Variants in IL19 observed in about 807,000 individuals in gnomAD.
IL19 encodes the protein interleukin 19, also known as interleukin-19.
In IL19, 15 loss-of-function variants were observed where a neutral mutation model predicts 19.5. That is an observed-to-expected ratio of 0.77 (90% CI 0.52 to 1.19). IL19 has a LOEUF of 1.19. Ranked by LOEUF, IL19 falls within the 50% of genes most tolerant of loss-of-function variation. The probability of loss-of-function intolerance (pLI) is 0.00; values close to 1 mark genes in which losing one functional copy is unlikely to be tolerated. For missense variants in IL19, 199 were observed against 213.1 expected (o/e 0.93, Z 0.41); for synonymous variants, 78 against 78.3 (o/e 1.00, Z 0.02).
Position 206,842,851 on chromosome 1 carries a change from A to C in IL19, c.*229A>C. 2.2e-6 allele frequency: 1 copy of C among 447,180 alleles called. No homozygotes were observed. Among genetic ancestry groups the C allele is most frequent in the Non-Finnish European group, 4.0e-6 (1 of 248,462 alleles). The allele number at this position is 447,180 out of a possible 1,614,324, so 27.7% of individuals were successfully genotyped here. On this transcript the variant is annotated 3_prime_UTR_variant, in exon 7 of 7. Transcript: ENST00000659997. ...GGGCCTGCAGGCCATCCTGGGAGTA[A>C]AGGGCTGCCTTCCCATCTAATTTAT...
intron 1 of IL19, among the ~76,000 whole-genome samples, chr1:206,785,984 T>C (rs768843075): frequency 1.4e-5 from 2 of 148,046 alleles, no homozygotes; most frequent in Non-Finnish European, 3.0e-5. Flanking sequence ...ATGTAAACTG[T>C]GTGTTAGGGA....
chr1:206,796,114 T>A (rs1158406610), intron 1 of IL19, among the ~76,000 whole-genome samples: 2 of 152,082 alleles, frequency 1.3e-5, no homozygotes. Context: ...AGTTCAGGTC[T>A]GAAGGCCTAA....
At chr1:206,796,990 G>A (rs1675539506) in intron 1 of IL19, among the ~76,000 whole-genome samples, 1 of 152,158 alleles carries the variant, frequency 6.6e-6, no homozygotes, top group South Asian at 2.1e-4. Context: ...AGTATTGCTC[G>A]AAAACCGGAT....
At chr1:206,805,882 CA>C (rs1169460804) in intron 2 of IL19, among the ~76,000 whole-genome samples, 1 of 152,140 alleles carries the variant, frequency 6.6e-6, no homozygotes. Context: ...CCAGCTTAAA[CA>C]AAAAAGGAAT....
chr1:206,828,408 C>T (rs2102479771), intron 2 of IL19, among the ~76,000 whole-genome samples: 1 of 152,344 alleles, frequency 6.6e-6, no homozygotes, highest in East Asian at 1.9e-4. Context: ...GGTTCCTCCT[C>T]CTGCTTTCTG....
chr1:206,839,131 A>C (rs570521346), intron 4 of IL19, among the ~76,000 whole-genome samples: 25 of 152,314 alleles, frequency 1.6e-4, no homozygotes, highest in African/African-American at 6.0e-4. Flanking sequence ...CTGTCTAGCC[A>C]ACTTCACTGG....
At chr1:206,794,498 C>T (rs1675475051) in intron 1 of IL19, among the ~76,000 whole-genome samples, 1 of 152,172 alleles carries the variant, frequency 6.6e-6, no homozygotes, top group African/African-American at 2.4e-5. Context: ...GACACCCCCT[C>T]TCTGAGCTCT....
At chr1:206,815,139 G>T (rs1436073108) in intron 2 of IL19, among the ~76,000 whole-genome samples, 1 of 152,174 alleles carries the variant, frequency 6.6e-6, no homozygotes, top group Non-Finnish European at 1.5e-5. Context: ...AGAGCAGTGG[G>T]CTGTGAACCT....
chr1:206,839,951 C>T lies in IL19; in HGVS notation c.312C>T (p.Ile104=). The part of the protein sequence containing the change: ...QEPNPKILRK[I]SSIANSFLYM... The stretch of plus-strand genomic sequence containing the variant: ...CAAACCCCAAAATCTTGAGAAAAAT[C>T]AGCAGCATTGCCAACTCTTTCCTCT... The change falls in exon 5 of 7, where the codon ATC becomes ATT. Residue 104 remains isoleucine, a synonymous_variant. Coordinates refer to ENST00000659997, the MANE Select transcript of IL19 (RefSeq NM_153758.5). The T allele has an allele frequency of 1.9e-6, 3 of 1,614,146 alleles. No homozygotes were observed. Among genetic ancestry groups the T allele is most frequent in the Non-Finnish European group, 2.5e-6 (3 of 1,180,004 alleles).
At chr1:206,830,011 G>A (rs1014223128) in intron 2 of IL19, among the ~76,000 whole-genome samples, 8 of 152,218 alleles carry the variant, frequency 5.3e-5, no homozygotes, top group Non-Finnish European at 4.4e-5. Flanking sequence ...GTAATGACAA[G>A]TCAGAACAGC....
chr1:206,779,817 CTTCT>C (rs1312850360), intron 1 of IL19, among the ~76,000 whole-genome samples: 1 of 151,580 alleles, frequency 6.6e-6, no homozygotes, highest in East Asian at 1.9e-4. Context: ...TGACTTTCTT[CTTCT>C]TTTTTTTCAA....
chr1:206,778,393 A>ATGAC (rs1231739975), intron 1 of IL19, among the ~76,000 whole-genome samples: 1 of 152,156 alleles, frequency 6.6e-6, no homozygotes, highest in African/African-American at 2.4e-5. Context: ...CTCTGTCTGC[A>ATGAC]TGACTACCTA....
intron 1 of IL19, among the ~76,000 whole-genome samples, chr1:206,794,264 A>T (rs976989189): frequency 6.6e-6 from 1 of 152,178 alleles, no homozygotes; most frequent in African/African-American, 2.4e-5. Flanking sequence ...TATTGGGAGG[A>T]TAAAATGAAA....
chr1:206,784,843 G>A (rs1675231651), intron 1 of IL19, among the ~76,000 whole-genome samples: 1 of 152,272 alleles, frequency 6.6e-6, no homozygotes, highest in Admixed American at 6.5e-5. Flanking sequence ...TGTCTGTGTT[G>A]CGTTGATGCC....
chr1:206,801,687 T>G (rs897780925), intron 2 of IL19, among the ~76,000 whole-genome samples: 1 of 152,266 alleles, frequency 6.6e-6, no homozygotes, highest in Non-Finnish European at 1.5e-5. Flanking sequence ...GAGTCACTTC[T>G]ATTATTACCC....
At chr1:206,773,226 G>A (rs1426875855) in intron 1 of IL19, among the ~76,000 whole-genome samples, 2 of 152,150 alleles carry the variant, frequency 1.3e-5, no homozygotes, top group African/African-American at 2.4e-5. Flanking sequence ...ATGCTAGTCA[G>A]GTAGTGCTCA....
chr1:206,822,871 C>T (rs1383123932), intron 2 of IL19, among the ~76,000 whole-genome samples: 2 of 152,038 alleles, frequency 1.3e-5, no homozygotes, highest in Non-Finnish European at 2.9e-5. Context: ...CAGGTGGTTG[C>T]AGCCTTGTGG....
chr1:206,826,773 A>C (rs989596395), intron 2 of IL19, among the ~76,000 whole-genome samples: 3 of 152,162 alleles, frequency 2.0e-5, no homozygotes, highest in African/African-American at 7.2e-5. Flanking sequence ...TGGGAAGGAC[A>C]CTCTCAAGCC....
At chr1:206,789,380 C>A (rs1675339706) in intron 1 of IL19, among the ~76,000 whole-genome samples, 1 of 152,164 alleles carries the variant, frequency 6.6e-6, no homozygotes, top group African/African-American at 2.4e-5. Flanking sequence ...TTATACCACC[C>A]CTTATGCCTT....
Sources: gnomAD v4.1 joint callset for allele counts (sites outside exome capture counted in the v4.1 genomes callset) on GRCh38, gnomAD v4.1.1 for gene constraint, MANE v1.5 for transcripts, NCBI Gene and HGNC (gene_info 2026-07-23, HGNC 2026-07-21) for gene names.